CARHSP1: variants seen among roughly 807,000 people sequenced by gnomAD.
CARHSP1 encodes calcium-regulated heat-stable protein 1.
A neutral mutation model predicts 12.5 loss-of-function variants in CARHSP1; 14 were observed. The ratio of observed to expected loss-of-function variants is 1.12; its 90% CI spans 0.74 to 1.75. The LOEUF (loss-of-function observed/expected upper bound fraction) is 1.75. CARHSP1 is among the 40% of genes most tolerant of loss of function. The pLI is 0.00. For synonymous variants in CARHSP1, 161 were observed against 82.0 expected, an observed-to-expected ratio of 1.96 and a Z score of -5.20; for missense variants, 343 against 201.6, an observed-to-expected ratio of 1.70 and a Z score of -4.25.
intron 3 of CARHSP1, among the ~76,000 whole-genome samples, chr16:8,855,863 C>T (rs2061085882): frequency 6.6e-6 from 1 of 152,178 alleles, no homozygotes; most frequent in Non-Finnish European, 1.5e-5. Context: ...TGTTCTGTTG[C>T]CCAGGCTGGA....
intron 1 of CARHSP1, among the ~76,000 whole-genome samples, chr16:8,861,059 TAAATAAC>T (rs2061337467): frequency 5.2e-5 from 1 of 19,148 alleles, no homozygotes; most frequent in Non-Finnish European, 1.9e-4. Flanking sequence ...CAAAAAAAAA[TAAATAAC>T]TTTTATTTTT....
At chr16:8,858,230 A>C in intron 3 of CARHSP1, 120 bp downstream of exon 3, 1 of 1,224,372 alleles carries the variant, frequency 8.2e-7, no homozygotes, top group South Asian at 1.5e-5. Context: ...GCAGAGTCAC[A>C]CAGGCCCAGC....
At chr16:8,860,370 G>C in intron 1 of CARHSP1, 1 of 985,480 alleles carries the variant, frequency 1.0e-6, no homozygotes, top group Non-Finnish European at 1.2e-6. Flanking sequence ...CCAGCTGGAG[G>C]GCGGGAATTC....
At position 8,853,557 on chromosome 16, in the gene CARHSP1, G is replaced by GTACC. The variant is rs2061004929; in HGVS notation, c.*1603_*1606dup. 1 of 152,200 alleles carries GTACC rather than the reference G, an allele frequency of 6.6e-6. No individual in the cohort carries two copies. Among genetic ancestry groups the GTACC allele is most frequent in the Non-Finnish European group, 1.5e-5 (1 of 68,034 alleles). 9.4% of individuals were successfully genotyped at this position (152,200 alleles called of 1,614,324 possible). A position where few individuals can be genotyped will look rare whatever the true frequency, so the allele number is the denominator to read the frequency against. Reference sequence around the variant, plus strand: ...AGGACAAACTCATCAGAGTTGAGGAGTACCTACCTGATGAAGCTGTTCATG... The same window carrying GTACC: ...AGGACAAACTCATCAGAGTTGAGGAGTACCTACCTACCTGATGAAGCTGTTCATG... On this transcript the variant is annotated 3_prime_UTR_variant, in exon 4 of 4. Coordinates refer to ENST00000311052, the MANE Select transcript of CARHSP1 (RefSeq NM_014316.4).
chr16:8,858,437 C>T lies in CARHSP1; in HGVS notation c.194G>A (p.Gly65Glu), dbSNP rs1443732945. ...GGACCGGCAGAAGCATTTGCAGACT[C>T]CTTTGTAGACGGGGCCCTGTGAAGC... The part of the protein sequence containing the change: ...VRASQGPVYK[G>E]VCKCFCRSKG... The change falls in exon 3 of 4, where the codon GGA becomes GAA. Residue 65 changes from glycine to glutamate, a missense_variant. Transcript: ENST00000311052. 1 of 1,614,052 alleles carries T rather than the reference C, an allele frequency of 6.2e-7. No homozygotes were observed. The highest frequency in any genetic ancestry group is 8.5e-7 in the Non-Finnish European group (1 of 1,180,026).
chr16:8,862,235 C>T (rs1718413851), intron 1 of CARHSP1, among the ~76,000 whole-genome samples: 1 of 151,956 alleles, frequency 6.6e-6, no homozygotes, highest in Non-Finnish European at 1.5e-5. Context: ...GTTACTTAAT[C>T]TCTCTGGGCC....
chr16:8,861,464 A>G (rs984105146), intron 1 of CARHSP1, among the ~76,000 whole-genome samples: 2 of 151,516 alleles, frequency 1.3e-5, no homozygotes, highest in Non-Finnish European at 2.9e-5. Context: ...ACATCACCCA[A>G]AAATCCCACC....
Position 8,863,707 on chromosome 16 carries a change from G to C in CARHSP1, c.-7-4372C>G, listed in dbSNP as rs565475225. On this transcript the variant is annotated intron_variant, in intron 1 of 3. Transcript: ENST00000311052. Reference sequence around the variant, plus strand: ...CACTCCCCAGTAGGCCCAGCAGAGAGGAGTGAATGGCCTCAGTGCGGGGGA... The same window carrying C: ...CACTCCCCAGTAGGCCCAGCAGAGACGAGTGAATGGCCTCAGTGCGGGGGA... Among the ~76,000 whole-genome samples, 4 of 152,306 alleles carry C rather than the reference G, an allele frequency of 2.6e-5. No individual in the cohort carries two copies. The South Asian group carries it at 8.3e-4, about 32-fold the overall frequency.
At position 8,858,931 on chromosome 16, in the gene CARHSP1, C is replaced by T. The variant is rs536382482; in HGVS notation, c.158+240G>A. On this transcript the variant is annotated intron_variant, in intron 2 of 3. Transcript: ENST00000311052. ...TGTGGTTAAAGCCCAGCGATTCTGA[C>T]CCCAGCAACTGCCCACCCATTGCCA... 1.5e-5 allele frequency: 7 copies of T among 465,752 alleles called. No individual in the cohort carries two copies. The Admixed American group carries it at 2.6e-4, about 17-fold the overall frequency. The allele number at this position is 465,752 out of a possible 1,614,324, so 28.9% of individuals were successfully genotyped here. A position where few individuals can be genotyped will look rare whatever the true frequency, so the allele number is the denominator to read the frequency against.
At chr16:8,861,172 T>C (rs2061342438) in intron 1 of CARHSP1, among the ~76,000 whole-genome samples, 1 of 11,790 alleles carries the variant, frequency 8.5e-5, no homozygotes, top group Non-Finnish European at 2.7e-4. Context: ...TTTTTTTTTT[T>C]TTTTTTTTTT....
intron 1 of CARHSP1, among the ~76,000 whole-genome samples, chr16:8,865,722 C>G (rs1280569708): frequency 6.6e-6 from 1 of 152,252 alleles, no homozygotes. Flanking sequence ...TGTCCACAGA[C>G]TTCTGCGTCA....
intron 1 of CARHSP1, among the ~76,000 whole-genome samples, chr16:8,866,244 T>C (rs751683148): frequency 6.6e-6 from 1 of 152,188 alleles, no homozygotes; most frequent in Non-Finnish European, 1.5e-5. Context: ...TCCAGATTCC[T>C]GGCCAAGATT....
At chr16:8,863,191 C>A (rs1242786805) in intron 1 of CARHSP1, among the ~76,000 whole-genome samples, 1 of 137,412 alleles carries the variant, frequency 7.3e-6, no homozygotes, top group Non-Finnish European at 1.5e-5. Context: ...GCGATCATGG[C>A]TCACTGAAGC....
chr16:8,862,781 G>A (rs1567188781), intron 1 of CARHSP1, among the ~76,000 whole-genome samples: 1 of 152,166 alleles, frequency 6.6e-6, no homozygotes, highest in Non-Finnish European at 1.5e-5. Flanking sequence ...GCGGTGGAAA[G>A]GGTAGGGCCC....
chr16:8,860,551 A>T, intron 1 of CARHSP1: 1 of 984,504 alleles, frequency 1.0e-6, no homozygotes, highest in Non-Finnish European at 1.2e-6. Context: ...GTCCTTTCCC[A>T]TCTCTGGGCT....
chr16:8,863,168 G>A (rs2061397896), intron 1 of CARHSP1, among the ~76,000 whole-genome samples: 1 of 130,882 alleles, frequency 7.6e-6, no homozygotes, highest in Non-Finnish European at 1.6e-5. Flanking sequence ...CACCTAGGCT[G>A]GAATGCAGTG....
At chr16:8,862,384 G>C (rs867933144) in intron 1 of CARHSP1, among the ~76,000 whole-genome samples, 3 of 152,094 alleles carry the variant, frequency 2.0e-5, no homozygotes, top group South Asian at 2.1e-4. Context: ...TGTCAGCTAC[G>C]ACTGTTGTTA....
intron 1 of CARHSP1, among the ~76,000 whole-genome samples, chr16:8,861,062 ATAAC>A (rs1211901568): frequency 1.6e-4 from 17 of 103,804 alleles, no homozygotes; most frequent in Admixed American, 1.1e-3. Flanking sequence ...AAAAAAATAA[ATAAC>A]TTTTATTTTT....
At chr16:8,857,278 T>TTTTTTTG (rs1567181210) in intron 3 of CARHSP1, among the ~76,000 whole-genome samples, 30 of 116,744 alleles carry the variant, frequency 2.6e-4, no homozygotes, top group African/African-American at 9.0e-4. Flanking sequence ...TTTTTTTTTT[T>TTTTTTTG]TTTTTTTTTT....
Sources: gnomAD v4.1 joint callset for allele counts (sites outside exome capture counted in the v4.1 genomes callset) on GRCh38, gnomAD v4.1.1 for gene constraint, MANE v1.5 for transcripts, NCBI Gene and HGNC (gene_info 2026-07-23, HGNC 2026-07-21) for gene names.